The following SLC49A3 variants were observed in gnomAD, a reference collection of about 807,000 sequenced individuals.
SLC49A3 encodes solute carrier family 49 member A3.
A neutral mutation model predicts 43.8 loss-of-function variants in SLC49A3; 50 were observed. That is an observed-to-expected ratio of 1.14 (90% confidence interval 0.91 to 1.45). The LOEUF (loss-of-function observed/expected upper bound fraction) is 1.45, where lower values mean the gene tolerates loss of function less well. SLC49A3 is among the 40% of genes most tolerant of loss of function. The probability of loss-of-function intolerance (pLI) is 0.00; values close to 1 mark genes in which losing one functional copy is unlikely to be tolerated. For missense variants in SLC49A3, 906 were observed against 774.1 expected, an observed-to-expected ratio of 1.17 and a Z score of -2.02; for synonymous variants, 413 against 352.0, an observed-to-expected ratio of 1.17 and a Z score of -1.94.
chr4:683,365 C>G lies in SLC49A3; in HGVS notation c.996G>C (p.Val332=), dbSNP rs993402147. 6.2e-7 allele frequency: 1 copy of G among 1,607,342 alleles called. No individual in the cohort carries two copies. The highest frequency in any genetic ancestry group is 1.3e-5 in the African/African-American group (1 of 74,730). ...FSLACVPFAL[V]SQLQGQTLAL... is the part of the protein sequence containing the mutation. ...CAAGGGTCTGTCCCTGCAGCTGGGA[C>G]ACCTGGGAGCAGCGGAACGGCAGGC... Residue 332 remains valine, a splice_region_variant and synonymous_variant, in exon 8 of 10, where the codon GTG becomes GTC. Coordinates refer to ENST00000322224, the MANE Select transcript of SLC49A3 (RefSeq NM_032219.4).
chr4:684,688 C>T lies in SLC49A3; in HGVS notation c.723+31G>A, dbSNP rs377338167. 21 of 1,605,506 alleles carry T rather than the reference C, an allele frequency of 1.3e-5. No homozygotes were observed. The East Asian group carries it at 3.1e-4, about 24-fold the overall frequency. Reference sequence around the variant, plus strand: ...AGCCTCTTGCCCCCACCCCCAAATCCACCCTACCCCGGGGATCCCACGGCA... The same window carrying T: ...AGCCTCTTGCCCCCACCCCCAAATCTACCCTACCCCGGGGATCCCACGGCA... On this transcript the variant is annotated intron_variant, in intron 5 of 9. Transcript: ENST00000322224.
At chr4:686,037 G>C (rs1560174159) in intron 3 of SLC49A3, 52 bp downstream of exon 3, 1 of 1,610,312 alleles carries the variant, frequency 6.2e-7, no homozygotes, top group Non-Finnish European at 8.5e-7. Context: ...CCGAGCGTCT[G>C]TGTGGACCCT....
chr4:688,939 C>G (rs900241147), intron 1 of SLC49A3, 54 bp downstream of exon 1: 1 of 1,553,038 alleles, frequency 6.4e-7, no homozygotes, highest in African/African-American at 1.4e-5. Flanking sequence ...CAAAACCCGG[C>G]TGGTCCGAGG....
At chr4:677,415 G>A (rs552544347), downstream of SLC49A3, among the ~76,000 whole-genome samples, 49 of 152,314 alleles carry the variant, frequency 3.2e-4, no homozygotes, top group African/African-American at 1.1e-3. Flanking sequence ...TCTGAGCAAC[G>A]TGGCCATCTC....
At chr4:687,936 C>G (rs1160255749) in intron 1 of SLC49A3, 1 of 152,164 alleles carries the variant, frequency 6.6e-6, no homozygotes, top group Non-Finnish European at 1.5e-5. Context: ...CAGGCAGAGA[C>G]CATGACGACT....
intron 1 of SLC49A3, among the ~76,000 whole-genome samples, chr4:687,685 C>CT (rs1367479000): frequency 6.6e-6 from 1 of 152,232 alleles, no homozygotes; most frequent in Non-Finnish European, 1.5e-5. Context: ...ATCTGTCTGA[C>CT]TCCCTTCCTC....
chr4:683,513 C>T, intron 7 of SLC49A3, 96 bp downstream of exon 7: 2 of 1,505,820 alleles, frequency 1.3e-6, no homozygotes, highest in Non-Finnish European at 1.8e-6. Flanking sequence ...ATGAGACAGT[C>T]CAGACCTCTG....
Position 684,480 on chromosome 4 carries a change from C to T in SLC49A3, c.840+3G>A, listed in dbSNP as rs1364109547. 3 of 1,612,560 alleles carry T rather than the reference C, an allele frequency of 1.9e-6. No homozygotes were observed. The highest frequency in any genetic ancestry group is 1.6e-4 in the Middle Eastern group (1 of 6,080). On this transcript the variant is annotated splice_donor_region_variant and intron_variant, in intron 6 of 9. Coordinates refer to ENST00000322224, the MANE Select transcript of SLC49A3 (RefSeq NM_032219.4). ...GGGTCCCCAGGGGTGGGGCCAGGCT[C>T]ACACTGGAGTGGCCGCTTGCACAGA...
At chr4:689,700 G>A (rs1325252318), upstream of SLC49A3, among the ~76,000 whole-genome samples, 1 of 152,272 alleles carries the variant, frequency 6.6e-6, no homozygotes, top group Non-Finnish European at 1.5e-5. Context: ...AAGGCCTGTG[G>A]GCCCCACCCT....
Position 683,704 on chromosome 4 carries a change from C to G in SLC49A3, c.898G>C (p.Ala300Pro). 1 of 1,597,114 alleles carries G rather than the reference C, an allele frequency of 6.3e-7. No individual in the cohort carries two copies. The highest frequency in any genetic ancestry group is 8.5e-7 in the Non-Finnish European group (1 of 1,172,050). The change falls in exon 7 of 10, where the codon GCT (alanine) becomes CCT (proline). Residue 300 changes from alanine to proline, a missense_variant. Physicochemically the swap from Ala to Pro is conservative, Grantham distance 27. Transcript: ENST00000322224. ...FITFGILGAL[A>P]LGPYVDRTKH... is the part of the protein sequence containing the mutation. The stretch of plus-strand genomic sequence containing the variant: ...GTCCGGTCCACATAGGGGCCGAGAG[C>G]CAGTGCCCCCAGGATCCCAAACGTG...
At chr4:681,769 C>G (rs1739686381), downstream of SLC49A3, 7 of 1,208,278 alleles carry the variant, frequency 5.8e-6, no homozygotes, top group Admixed American at 8.9e-5. Context: ...CGCCCTCACC[C>G]CGCACCCGGG....
chr4:680,996 C>A, downstream of SLC49A3: 1 of 1,360,408 alleles, frequency 7.4e-7, no homozygotes, highest in Non-Finnish European at 1.0e-6. Flanking sequence ...GTGCAGTGAG[C>A]GAGTACAACC....
chr4:685,563 A>G lies in SLC49A3; in HGVS notation c.585+272T>C, dbSNP rs928452042. ...AAATACAAAAAAAAAAAAATTAGCC[A>G]AGCATGGTGGCGCACGCCTGTAGTC... On this transcript the variant is annotated intron_variant, in intron 4 of 9. Coordinates refer to ENST00000322224, the MANE Select transcript of SLC49A3 (RefSeq NM_032219.4). The surrounding 1 kb of genome is among the most constrained non-coding windows in gnomAD (Gnocchi z 4.3). Among the ~76,000 whole-genome samples, 1 of 152,066 alleles carries G rather than the reference A, an allele frequency of 6.6e-6. No individual in the cohort carries two copies. The highest frequency in any genetic ancestry group is 1.5e-5 in the Non-Finnish European group (1 of 68,006).
rs1056353505 is a variant in SLC49A3, at chr4:684,791, A to G, written c.651T>C (p.Ser217=). The change falls in exon 5 of 10, where the codon AGT becomes AGC. Residue 217 remains serine (S), a synonymous_variant. Transcript: ENST00000322224. The stretch of plus-strand genomic sequence containing the variant: ...CGGCAGAGGGCGGGGTGGGGGGCAC[A>G]CTCTCCCACAGGCAGATGGTGGACA... ...CLLSTICLWE[S]VPPTPPSAGA... 6.2e-7 allele frequency: 1 copy of G among 1,612,236 alleles called. No homozygotes were observed. The highest frequency in any genetic ancestry group is 1.7e-5 in the Admixed American group (1 of 59,906).
At chr4:677,768 A>G (rs973643138), downstream of SLC49A3, among the ~76,000 whole-genome samples, 2 of 152,170 alleles carry the variant, frequency 1.3e-5, no homozygotes, top group African/African-American at 2.4e-5. Flanking sequence ...GTTCGGGGAC[A>G]GGTGGATGGG....
chr4:691,014 C>T (rs149565483), upstream of SLC49A3, among the ~76,000 whole-genome samples: 1 of 152,284 alleles, frequency 6.6e-6, no homozygotes, highest in African/African-American at 2.4e-5. Flanking sequence ...GGGCCGGGTG[C>T]GGTGGCTCAC....
At chr4:689,723 C>G (rs1163714012), upstream of SLC49A3, among the ~76,000 whole-genome samples, 1 of 152,208 alleles carries the variant, frequency 6.6e-6, no homozygotes, top group Non-Finnish European at 1.5e-5. Context: ...GGTAGGCAGT[C>G]CGCCACACAC....
At chr4:680,859 C>G (rs1739401571), downstream of SLC49A3, 2 of 640,006 alleles carry the variant, frequency 3.1e-6, no homozygotes, top group Admixed American at 5.8e-5. Flanking sequence ...GGGGAAAGTA[C>G]CAGGCGCTGG....
At chr4:683,022 C>A in intron 8 of SLC49A3, 132 bp from the exon 9 acceptor site, 2 of 1,103,046 alleles carry the variant, frequency 1.8e-6, no homozygotes, top group South Asian at 3.1e-5. Context: ...CAGCCTCGGT[C>A]ATGGGCCCTA....
Sources: allele counts gnomAD v4.1 joint callset (sites outside exome capture counted in the v4.1 genomes callset), GRCh38; gene constraint gnomAD v4.1.1; non-coding constraint Gnocchi (gnomAD v3.1); transcripts MANE v1.5; gene names NCBI Gene and HGNC (gene_info 2026-07-23, HGNC 2026-07-21).